Variants in RSPH14 observed in about 807,000 individuals in gnomAD.
RSPH14 encodes the protein rhabdoid tumor deletion region gene 1.
A neutral mutation model predicts 26.7 loss-of-function variants in RSPH14; 20 were observed. The observed-to-expected ratio is 0.75, with a 90% confidence interval of 0.53 to 1.09. The LOEUF (loss-of-function observed/expected upper bound fraction) is 1.09. Among genes scored for constraint, RSPH14 ranks in the 50% least tolerant of loss-of-function variants. The pLI is 0.00. For missense variants in RSPH14, 449 were observed against 457.2 expected (o/e 0.98, Z 0.16); for synonymous variants, 177 against 189.3 (o/e 0.93, Z 0.53).
At chr22:23,060,328 G>A (rs559095919) in intron 6 of RSPH14, among the ~76,000 whole-genome samples, 22 of 151,952 alleles carry the variant, frequency 1.4e-4, no homozygotes, top group South Asian at 4.2e-4. Context: ...AAAATTAGCC[G>A]GGCATGGTGG....
chr22:23,129,950 GAGAA>G (rs202010582), intron 4 of RSPH14, among the ~76,000 whole-genome samples: 10 of 148,642 alleles, frequency 6.7e-5, no homozygotes, highest in African/African-American at 1.7e-4. Flanking sequence ...AGGAAAGAAG[GAGAA>G]AGAAAGAGAG....
the RSPH14 span, among the ~76,000 whole-genome samples, chr22:23,155,469 G>A: frequency 2.0e-5 from 3 of 152,210 alleles, no homozygotes; most frequent in Non-Finnish European, 4.4e-5. Flanking sequence ...TATTGCTCCA[G>A]TGTTAGGTAT....
At chr22:23,156,140 TCCAAGACCCA>T in the RSPH14 span, 311 of 955,690 alleles carry the variant, frequency 3.3e-4, no homozygotes, top group Middle Eastern at 4.6e-4. Flanking sequence ...TTTTTTGTCC[TCCAAGACCCA>T]CTGAGAAAAC....
At chr22:23,094,400 G>C (rs1333927864) in intron 4 of RSPH14, among the ~76,000 whole-genome samples, 1 of 152,124 alleles carries the variant, frequency 6.6e-6, no homozygotes, top group African/African-American at 2.4e-5. Flanking sequence ...GGATGGGGAG[G>C]CCCTGACTCG....
At chr22:23,174,445 A>C in the RSPH14 span, among the ~76,000 whole-genome samples, 2 of 152,106 alleles carry the variant, frequency 1.3e-5, no homozygotes, top group African/African-American at 4.8e-5. Context: ...AGAATCATGT[A>C]ACCACACTCA....
intron 4 of RSPH14, among the ~76,000 whole-genome samples, chr22:23,125,946 C>T (rs933567223): frequency 2.0e-5 from 3 of 152,204 alleles, no homozygotes; most frequent in African/African-American, 7.2e-5. Flanking sequence ...CATGCACACA[C>T]GCGCAGATAC....
intron 4 of RSPH14, chr22:23,131,620 C>T: frequency 1.5e-6 from 2 of 1,304,046 alleles, no homozygotes; most frequent in South Asian, 1.2e-5. Flanking sequence ...AGCAGCAAGT[C>T]CCCTGTCTCC....
At chr22:23,180,169 C>G in the RSPH14 span, 3 of 234,864 alleles carry the variant, frequency 1.3e-5, no homozygotes, top group Admixed American at 1.1e-4. Context: ...CTGGACTGGC[C>G]GGAGAAGTCC....
At chr22:23,099,454 G>A (rs1044837077) in intron 4 of RSPH14, among the ~76,000 whole-genome samples, 3 of 152,276 alleles carry the variant, frequency 2.0e-5, no homozygotes, top group Admixed American at 2.0e-4. Context: ...TCCTCAGGCA[G>A]CACAGGAGGC....
intron 4 of RSPH14, among the ~76,000 whole-genome samples, chr22:23,107,752 A>T (rs1354342212): frequency 1.3e-5 from 2 of 152,118 alleles, no homozygotes; most frequent in African/African-American, 4.8e-5. Context: ...TGAAAATCAA[A>T]CCCACATTTT....
At chr22:23,160,351 G>T in the RSPH14 span, among the ~76,000 whole-genome samples, 3 of 152,226 alleles carry the variant, frequency 2.0e-5, no homozygotes, top group African/African-American at 7.2e-5. Context: ...CAGGTTGCTG[G>T]CTGCACAAGG....
rs1318144412 is a variant in RSPH14, at chr22:23,059,568, G to A, written c.941C>T (p.Pro314Leu). 1 of 1,614,094 alleles carries A rather than the reference G, an allele frequency of 6.2e-7. No homozygotes were observed. Among genetic ancestry groups the A allele is most frequent in the African/African-American group, 1.3e-5 (1 of 74,946 alleles). ...CTCCACCTCCATGGCACGGAAAGTG[G>A]GCACGTGCGTCTGCAGGGCCTTGCG... is the stretch of plus-strand genomic sequence containing the variant. ...EGRKALQTHV[P>L]TFRAMEVETY... The change falls in exon 7 of 7, where the codon CCC becomes CTC. Residue 314 changes from proline to leucine, a missense_variant. By Grantham distance (98) the Pro-to-Leu change is moderately conservative (BLOSUM62 -3). Transcript: ENST00000216036.
intron 4 of RSPH14, chr22:23,096,143 G>T: frequency 6.2e-7 from 1 of 1,612,776 alleles, no homozygotes. Context: ...GTACCACCTG[G>T]AGGACAACGC....
the RSPH14 span, among the ~76,000 whole-genome samples, chr22:23,166,123 G>A: frequency 7.4e-6 from 1 of 135,534 alleles, no homozygotes; most frequent in African/African-American, 2.8e-5. Context: ...TCCAGCCTGG[G>A]TGACGGAGTG....
chr22:23,141,136 C>T (rs2070592617), intron 1 of RSPH14, among the ~76,000 whole-genome samples: 1 of 152,182 alleles, frequency 6.6e-6, no homozygotes, highest in Non-Finnish European at 1.5e-5. Context: ...CGAGACCATC[C>T]TGGCCAACAT....
intron 4 of RSPH14, among the ~76,000 whole-genome samples, chr22:23,118,655 G>A (rs1489352673): frequency 6.6e-6 from 1 of 152,234 alleles, no homozygotes; most frequent in Non-Finnish European, 1.5e-5. Context: ...CCCTTGCCAT[G>A]GGGTCATGGT....
chr22:23,083,820 G>A (rs552934007), intron 4 of RSPH14, among the ~76,000 whole-genome samples: 194 of 152,350 alleles, frequency 1.3e-3, no homozygotes, highest in African/African-American at 4.3e-3. Context: ...CCTGTTCAAG[G>A]TCGCGCGGGC....
At chr22:23,093,873 C>G (rs2069053066) in intron 4 of RSPH14, among the ~76,000 whole-genome samples, 1 of 152,156 alleles carries the variant, frequency 6.6e-6, no homozygotes, top group African/African-American at 2.4e-5. Flanking sequence ...CAGGAGAGAC[C>G]AGAACCTCTG....
At chr22:23,101,681 A>T (rs1045058968) in intron 4 of RSPH14, among the ~76,000 whole-genome samples, 1 of 152,228 alleles carries the variant, frequency 6.6e-6, no homozygotes, top group Admixed American at 6.5e-5. Context: ...CCAGGGCCAC[A>T]TGCAGTTTGT....
Sources: gnomAD v4.1 joint callset for allele counts (sites outside exome capture counted in the v4.1 genomes callset) on GRCh38, gnomAD v4.1.1 for gene constraint, MANE v1.5 for transcripts, NCBI Gene and HGNC (gene_info 2026-07-23, HGNC 2026-07-21) for gene names.